GLDC: variants seen among roughly 807,000 people sequenced by gnomAD.
GLDC encodes the protein glycine dehydrogenase (decarboxylating), mitochondrial.
A neutral mutation model predicts 121.3 loss-of-function variants in GLDC; 104 were observed. That is an observed-to-expected ratio of 0.86 (90% confidence interval 0.73 to 1.01). GLDC has a LOEUF of 1.01. Among genes scored for constraint, GLDC ranks in the 50% least tolerant of loss-of-function variants. The probability of loss-of-function intolerance (pLI) is 0.00; values close to 1 mark genes in which losing one functional copy is unlikely to be tolerated. For synonymous variants in GLDC, 546 were observed against 480.6 expected (o/e 1.14, Z -1.78); for missense variants, 1,429 against 1,306.6 (o/e 1.09, Z -1.44).
intron 15 of GLDC, among the ~76,000 whole-genome samples, chr9:6,569,757 C>G (rs942882133): frequency 6.6e-6 from 1 of 152,112 alleles, no homozygotes; most frequent in East Asian, 1.9e-4. Flanking sequence ...GAGCGGATTA[C>G]CTGCAGTTAG....
intron 3 of GLDC, among the ~76,000 whole-genome samples, chr9:6,617,288 A>G (rs1329843105): frequency 3.9e-5 from 6 of 152,214 alleles, no homozygotes; most frequent in Non-Finnish European, 2.9e-5. Context: ...AAAGTAAATG[A>G]AAAGTACAGG....
chr9:6,565,261 G>C (rs1373980074), intron 16 of GLDC, 93 bp downstream of exon 16: 6 of 883,266 alleles, frequency 6.8e-6, no homozygotes, highest in Non-Finnish European at 1.2e-5. Context: ...CTGCTTCCAA[G>C]AAGGCTTGGA....
chr9:6,607,010 C>A (rs1459966318), intron 4 of GLDC, among the ~76,000 whole-genome samples: 1 of 151,716 alleles, frequency 6.6e-6, no homozygotes, highest in African/African-American at 2.4e-5. Flanking sequence ...TTGCAGTGAG[C>A]CAAGATTGCA....
chr9:6,630,697 T>C (rs1819357869), intron 2 of GLDC, among the ~76,000 whole-genome samples: 1 of 152,076 alleles, frequency 6.6e-6, no homozygotes, highest in African/African-American at 2.4e-5. Flanking sequence ...GAGGGAACCA[T>C]GGGGTGGGGC....
intron 2 of GLDC, chr9:6,639,010 G>GAAAA: frequency 1.0e-5 from 4 of 391,578 alleles, no homozygotes; most frequent in African/African-American, 4.4e-5. Flanking sequence ...CTCTGTCTCA[G>GAAAA]AAAAAAAAAA....
Position 6,610,225 on chromosome 9 carries a change from G to C in GLDC, c.602C>G (p.Thr201Ser). ...CAGCTGCAGTGCCTCTGCGGCTGCA[G>C]TCCCCTCATCCAGCAGGGATGCATT... ...MANASLLDEG[T>S]AAAEALQLCY... The change falls in exon 4 of 25, where the codon ACT becomes AGT. Residue 201 changes from threonine to serine, a missense_variant. Transcript: ENST00000321612. The C allele has an allele frequency of 6.2e-7, 1 of 1,613,568 alleles. No individual in the cohort carries two copies. Among genetic ancestry groups the C allele is most frequent in the African/African-American group, 1.3e-5 (1 of 75,064 alleles).
chr9:6,578,213 G>C (rs909555890), intron 15 of GLDC, among the ~76,000 whole-genome samples: 15 of 150,842 alleles, frequency 9.9e-5, no homozygotes, highest in African/African-American at 3.4e-4. Context: ...CTAGACCTCT[G>C]GGTGTAAGTG....
At chr9:6,604,242 C>G (rs1031928339) in intron 7 of GLDC, among the ~76,000 whole-genome samples, 2 of 152,150 alleles carry the variant, frequency 1.3e-5, no homozygotes, top group Non-Finnish European at 2.9e-5. Context: ...TTTGTCTTTA[C>G]AGAGCCACGT....
chr9:6,575,189 G>C (rs1260681256), intron 15 of GLDC, among the ~76,000 whole-genome samples: 1 of 149,232 alleles, frequency 6.7e-6, no homozygotes, highest in Non-Finnish European at 1.5e-5. Flanking sequence ...CTGGGCGACA[G>C]AGTGAGACTC....
chr9:6,643,563 T>G (rs1819671525), intron 2 of GLDC, among the ~76,000 whole-genome samples: 1 of 151,780 alleles, frequency 6.6e-6, no homozygotes, highest in African/African-American at 2.4e-5. Flanking sequence ...CCTGTGCCCT[T>G]GACTTATGGA....
chr9:6,641,166 T>C (rs1403213576), intron 2 of GLDC, among the ~76,000 whole-genome samples: 3 of 152,242 alleles, frequency 2.0e-5, no homozygotes, highest in Admixed American at 2.0e-4. Flanking sequence ...CGTCCTCCCC[T>C]GGTTCTGTCC....
intron 22 of GLDC, among the ~76,000 whole-genome samples, chr9:6,536,954 T>C (rs1238904536): frequency 6.6e-6 from 1 of 152,128 alleles, no homozygotes; most frequent in African/African-American, 2.4e-5. Flanking sequence ...TGCAACAAGG[T>C]ATGTAGTCAA....
intron 3 of GLDC, among the ~76,000 whole-genome samples, chr9:6,610,851 C>T (rs771815132): frequency 2.4e-4 from 36 of 152,196 alleles, no homozygotes; most frequent in Non-Finnish European, 1.3e-4. Context: ...CCACCTGCCT[C>T]GGCCTGCCAA....
At chr9:6,577,337 G>A (rs772375385) in intron 15 of GLDC, among the ~76,000 whole-genome samples, 1 of 152,174 alleles carries the variant, frequency 6.6e-6, no homozygotes, top group Non-Finnish European at 1.5e-5. Flanking sequence ...TATTTATTAG[G>A]ATAGAGGTGC....
chr9:6,593,230 GTAT>G (rs973617991), intron 9 of GLDC: 13 of 425,062 alleles, frequency 3.1e-5, no homozygotes, highest in African/African-American at 2.4e-4. Context: ...GTATTTTGGT[GTAT>G]TATTTCTCAA....
chr9:6,639,134 T>C, intron 2 of GLDC: 1 of 741,928 alleles, frequency 1.3e-6, no homozygotes, highest in East Asian at 2.4e-5. Context: ...CAGAGCTTTT[T>C]CACAAGATGG....
chr9:6,624,474 G>A (rs1022953560), intron 2 of GLDC, among the ~76,000 whole-genome samples: 1 of 152,152 alleles, frequency 6.6e-6, no homozygotes, highest in African/African-American at 2.4e-5. Flanking sequence ...GAGAGAGGCA[G>A]GGAACTGATT....
intron 2 of GLDC, among the ~76,000 whole-genome samples, chr9:6,640,185 T>C (rs1430121940): frequency 6.6e-6 from 1 of 152,244 alleles, no homozygotes; most frequent in African/African-American, 2.4e-5. Context: ...CATTACAGCC[T>C]TTGTTTCTCT....
intron 15 of GLDC, among the ~76,000 whole-genome samples, chr9:6,570,041 G>A (rs1372918846): frequency 6.6e-6 from 1 of 152,174 alleles, no homozygotes; most frequent in East Asian, 1.9e-4. Flanking sequence ...TTCTCAGATG[G>A]TGACTGCTTT....
Sources: gnomAD v4.1 joint callset for allele counts (sites outside exome capture counted in the v4.1 genomes callset) on GRCh38, gnomAD v4.1.1 for gene constraint, MANE v1.5 for transcripts, NCBI Gene and HGNC (gene_info 2026-07-23, HGNC 2026-07-21) for gene names.